MAJIN: variants seen among roughly 807,000 people sequenced by gnomAD.
The protein encoded by MAJIN is membrane-anchored junction protein.
In MAJIN, 27 loss-of-function variants were observed where a neutral mutation model predicts 30.2. The observed-to-expected ratio is 0.89, with a 90% confidence interval of 0.66 to 1.23. The LOEUF (loss-of-function observed/expected upper bound fraction) is 1.23. Ranked by LOEUF, MAJIN falls within the 50% of genes most tolerant of loss-of-function variation. The probability of loss-of-function intolerance (pLI) is 0.00; values close to 1 mark genes in which losing one functional copy is unlikely to be tolerated. For missense variants in MAJIN, 253 were observed against 260.3 expected, an observed-to-expected ratio of 0.97 and a Z score of 0.19; for synonymous variants, 78 against 91.6, an observed-to-expected ratio of 0.85 and a Z score of 0.85.
At chr11:64,956,770 T>TG (rs201103767) in intron 3 of MAJIN, among the ~76,000 whole-genome samples, 10 of 147,154 alleles carry the variant, frequency 6.8e-5, no homozygotes, top group East Asian at 6.0e-4. Context: ...GCTGTTTTTT[T>TG]TTTTTTTTTT....
intron 5 of MAJIN, among the ~76,000 whole-genome samples, 168 bp downstream of exon 5, chr11:64,950,187 G>A (rs189641219): frequency 6.0e-4 from 91 of 152,128 alleles, no homozygotes; most frequent in African/African-American, 1.8e-3. Flanking sequence ...AAAATTAGCC[G>A]GGTGTGGTGG....
chr11:64,943,728 G>A (rs1312734860), intron 8 of MAJIN, among the ~76,000 whole-genome samples: 1 of 152,234 alleles, frequency 6.6e-6, no homozygotes. Flanking sequence ...GTAAGAAGCT[G>A]TGGGTACTGT....
Position 64,959,368 on chromosome 11 carries a change from G to A in MAJIN, c.38C>T (p.Thr13Met), listed in dbSNP as rs200290554. The A allele has an allele frequency of 3.5e-5, 56 of 1,613,968 alleles. No individual in the cohort carries two copies. The highest frequency in any genetic ancestry group is 1.6e-4 in the Middle Eastern group (1 of 6,062). Residue 13 changes from threonine to methionine, a missense_variant, in exon 3 of 11, where the codon ACG becomes ATG. Transcript: ENST00000301896. ...ATTGGGTCCTGCATGAAGAAACCTC[G>A]TCTCTGGAAACGGGTAGGTAAAGGG... ...LKPFTYPFPETRFLHAGPNVY... is the reference protein window; with the variant it reads ...LKPFTYPFPEMRFLHAGPNVY...
chr11:64,939,820 C>T, intron 9 of MAJIN, 53 bp from the exon 10 acceptor site: 2 of 1,547,662 alleles, frequency 1.3e-6, no homozygotes, highest in South Asian at 1.1e-5. Context: ...AGGCCGTTTT[C>T]ATGTGAGTAG....
intron 1 of MAJIN, among the ~76,000 whole-genome samples, chr11:64,963,302 A>T (rs957872118): frequency 6.6e-6 from 1 of 152,240 alleles, no homozygotes; most frequent in Non-Finnish European, 1.5e-5. Context: ...AATGACACAT[A>T]GGGACTGATG....
chr11:64,950,433 G>C lies in MAJIN; in HGVS notation c.148-3C>G, dbSNP rs1052557156. On this transcript the variant is annotated splice_polypyrimidine_tract_variant and splice_region_variant and intron_variant, in intron 4 of 10. Transcript: ENST00000301896. The stretch of plus-strand genomic sequence containing the variant: ...CCCAAGACCACGCGGACAGAATCCT[G>C]AAAAACATATTTGAAATGACTTTAA... The C allele has an allele frequency of 6.2e-7, 1 of 1,611,662 alleles. No individual in the cohort carries two copies. The highest frequency in any genetic ancestry group is 1.3e-5 in the African/African-American group (1 of 74,738).
intron 8 of MAJIN, among the ~76,000 whole-genome samples, chr11:64,944,937 GA>G (rs1436332780): frequency 6.6e-6 from 1 of 152,176 alleles, no homozygotes; most frequent in African/African-American, 2.4e-5. Context: ...TCAGATATAT[GA>G]ATATCTAAAT....
At chr11:64,971,130 T>C (rs1486944601) in intron 1 of MAJIN, among the ~76,000 whole-genome samples, 1 of 151,780 alleles carries the variant, frequency 6.6e-6, no homozygotes, top group Non-Finnish European at 1.5e-5. Flanking sequence ...CCGTCTCTAC[T>C]AAAAACACCA....
At chr11:64,950,329 CAA>C (rs71049671) in intron 5 of MAJIN, 24 bp downstream of exon 5, 18,371 of 1,194,602 alleles carry the variant, frequency 0.015, no homozygotes, top group East Asian at 0.05. Flanking sequence ...GACTCCATCT[CAA>C]AAAAAAAAAA....
chr11:64,941,059 C>T (rs912012755), intron 8 of MAJIN, among the ~76,000 whole-genome samples: 4 of 151,826 alleles, frequency 2.6e-5, no homozygotes, highest in Admixed American at 1.3e-4. Flanking sequence ...AGGATGGTCT[C>T]GATCTCCTGA....
intron 1 of MAJIN, among the ~76,000 whole-genome samples, chr11:64,964,474 C>T (rs1317626349): frequency 6.6e-6 from 1 of 152,174 alleles, no homozygotes; most frequent in African/African-American, 2.4e-5. Flanking sequence ...TTGGCACACA[C>T]GTTTTTCATT....
chr11:64,953,064 A>G (rs1249627815), intron 4 of MAJIN, among the ~76,000 whole-genome samples: 1 of 152,172 alleles, frequency 6.6e-6, no homozygotes, highest in Non-Finnish European at 1.5e-5. Flanking sequence ...CAAACTAGTG[A>G]GCATAAGAGA....
intron 4 of MAJIN, among the ~76,000 whole-genome samples, chr11:64,953,065 G>T (rs1039875400): frequency 2.0e-5 from 3 of 152,144 alleles, no homozygotes; most frequent in African/African-American, 4.8e-5. Context: ...AAACTAGTGA[G>T]CATAAGAGAA....
intron 1 of MAJIN, among the ~76,000 whole-genome samples, chr11:64,963,844 C>G (rs1945765310): frequency 6.6e-6 from 1 of 152,074 alleles, no homozygotes; most frequent in African/African-American, 2.4e-5. Flanking sequence ...ATCTCAAGAC[C>G]ATTAATGAGT....
chr11:64,938,707 G>T, intron 10 of MAJIN, 134 bp from the exon 11 acceptor site: 1 of 978,918 alleles, frequency 1.0e-6, no homozygotes, highest in Non-Finnish European at 1.5e-6. Context: ...AGACTGAATA[G>T]CATTTGAAAA....
rs1054801861 is a variant in MAJIN at position 64,938,360 on chromosome 11, A to G, written c.*215T>C. On this transcript the variant is annotated 3_prime_UTR_variant, in exon 11 of 11. Transcript: ENST00000301896. Reference sequence around the variant, plus strand: ...TGTTTTAAATTGGGGGAAAAAATCTATTATAAAGGGGCAAAGGACACGATA... The same window carrying G: ...TGTTTTAAATTGGGGGAAAAAATCTGTTATAAAGGGGCAAAGGACACGATA... 3 of 686,202 alleles carry G rather than the reference A, an allele frequency of 4.4e-6. No homozygotes were observed. The highest frequency in any genetic ancestry group is 4.7e-6 in the Non-Finnish European group (2 of 423,092). The allele number at this position is 686,202 out of a possible 1,614,324, so 42.5% of individuals were successfully genotyped here. A position where few individuals can be genotyped will look rare whatever the true frequency, so the allele number is the denominator to read the frequency against.
chr11:64,945,566 C>T (rs147753207), intron 8 of MAJIN, among the ~76,000 whole-genome samples: 2,489 of 151,996 alleles, frequency 0.016, 62 homozygotes, highest in African/African-American at 0.056. Context: ...GATGGAGTCT[C>T]ACTCTGTTGC....
In MAJIN at chr11:64,938,581, A is replaced by C. The variant is rs2136703337; in HGVS notation, c.*2-8T>G. 3 of 1,535,652 alleles carry C rather than the reference A, an allele frequency of 2.0e-6. No homozygotes were observed. Among genetic ancestry groups the C allele is most frequent in the Middle Eastern group, 1.7e-4 (1 of 5,970 alleles). On this transcript the variant is annotated splice_polypyrimidine_tract_variant and splice_region_variant and intron_variant, in intron 10 of 10. Transcript: ENST00000301896. Reference sequence around the variant, plus strand: ...CGAAACGGGAAGAGAGAGCTGCAAGAATGAGAACAGAGTAGGCTGAGACTC... The same window carrying C: ...CGAAACGGGAAGAGAGAGCTGCAAGCATGAGAACAGAGTAGGCTGAGACTC...
Position 64,950,539 on chromosome 11 carries a change from T to C in MAJIN, c.148-109A>G, listed in dbSNP as rs1565129997. ...CTATACACTATCAAAACTGAACTAT[T>C]TGCTGTTCCTTTAACACGTGTTCTG... On this transcript the variant is annotated intron_variant, in intron 4 of 10. Coordinates refer to ENST00000301896, the MANE Select transcript of MAJIN (RefSeq NM_001037225.3). 4.5e-6 allele frequency: 4 copies of C among 880,976 alleles called. No individual in the cohort carries two copies. The Admixed American group carries it at 7.7e-5, about 17-fold the overall frequency. 54.6% of individuals were successfully genotyped at this position (880,976 alleles called of 1,614,324 possible). A position where few individuals can be genotyped will look rare whatever the true frequency, so the allele number is the denominator to read the frequency against.
Sources: gnomAD v4.1 joint callset for allele counts (sites outside exome capture counted in the v4.1 genomes callset) on GRCh38, gnomAD v4.1.1 for gene constraint, MANE v1.5 for transcripts, NCBI Gene and HGNC (gene_info 2026-07-23, HGNC 2026-07-21) for gene names.